PTPRG: variants seen among roughly 807,000 people sequenced by gnomAD.
PTPRG encodes receptor-type tyrosine-protein phosphatase gamma.
In PTPRG, 102 loss-of-function variants were observed where a neutral mutation model predicts 165.3. That is an observed-to-expected ratio of 0.62 (90% CI 0.53 to 0.73). PTPRG has a LOEUF of 0.73. Among genes scored for constraint, PTPRG ranks in the 30% least tolerant of loss-of-function variants. PTPRG has a pLI of 0.00. For synonymous variants in PTPRG, 675 were observed against 669.5 expected (o/e 1.01, Z -0.13); for missense variants, 1,866 against 1,861.4 (o/e 1.00, Z -0.05).
intron 2 of PTPRG, among the ~76,000 whole-genome samples, chr3:61,976,072 A>G (rs4572763): frequency 0.46 from 69,548 of 151,930 alleles, 16,664 homozygotes; most frequent in African/African-American, 0.62. Context: ...GAACCCTGCA[A>G]TGTGCTGGAA....
rs796741929 is a variant in PTPRG at position 61,769,285 on chromosome 3, T to C, written c.190+20303T>C. ...AATGTTTGTTTTTTTTGTTTTTGTT[T>C]CCATATAGGGTTTTACTCTGTCGCC... On this transcript the variant is annotated intron_variant, in intron 2 of 29. Transcript: ENST00000474889. 8 of 152,312 alleles carry C rather than the reference T, an allele frequency of 5.3e-5. 1 individual carries two copies. The highest frequency in any genetic ancestry group is 1.9e-4 in the African/African-American group (8 of 41,558). 9.4% of individuals were successfully genotyped at this position (152,312 alleles called of 1,614,324 possible).
At chr3:62,069,079 C>G (rs1273512560) in intron 4 of PTPRG, among the ~76,000 whole-genome samples, 1 of 152,210 alleles carries the variant, frequency 6.6e-6, no homozygotes, top group Non-Finnish European at 1.5e-5. Flanking sequence ...GGGATGTTGG[C>G]TAGCCTGTGG....
At chr3:62,137,507 A>G (rs767470280) in intron 6 of PTPRG, among the ~76,000 whole-genome samples, 2 of 152,058 alleles carry the variant, frequency 1.3e-5, no homozygotes, top group African/African-American at 2.4e-5. Context: ...ATGGAGAAGA[A>G]TTGGGCCCTT....
intron 7 of PTPRG, among the ~76,000 whole-genome samples, chr3:62,161,631 C>T (rs1179455685): frequency 1.3e-5 from 2 of 152,076 alleles, no homozygotes; most frequent in Non-Finnish European, 2.9e-5. Context: ...AGATGGCTTT[C>T]TTTGTTAATT....
At chr3:61,952,734 C>G (rs995975565) in intron 2 of PTPRG, among the ~76,000 whole-genome samples, 15 of 152,080 alleles carry the variant, frequency 9.9e-5, no homozygotes, top group African/African-American at 3.6e-4. Flanking sequence ...TCCATTTGCC[C>G]TAGCCTCAAA....
At chr3:62,036,419 G>C (rs1300710237) in intron 4 of PTPRG, among the ~76,000 whole-genome samples, 3 of 152,154 alleles carry the variant, frequency 2.0e-5, no homozygotes, top group South Asian at 4.1e-4. Flanking sequence ...TCCAAGTCCT[G>C]GCATTATTTG....
intron 1 of PTPRG, among the ~76,000 whole-genome samples, chr3:61,729,858 ATATT>A (rs1253393393): frequency 6.6e-6 from 1 of 152,176 alleles, no homozygotes; most frequent in Non-Finnish European, 1.5e-5. Context: ...TCTATAGTGA[ATATT>A]TATTGCTTTC....
chr3:62,268,966 GA>G, intron 19 of PTPRG, 68 bp from the exon 20 acceptor site: 1 of 1,402,712 alleles, frequency 7.1e-7, no homozygotes, highest in Middle Eastern at 1.9e-4. Context: ...ATTGTCGTTT[GA>G]AATTACATTA....
chr3:62,281,202 GT>G (rs1420386048), intron 26 of PTPRG, among the ~76,000 whole-genome samples: 2 of 152,018 alleles, frequency 1.3e-5, no homozygotes, highest in Non-Finnish European at 2.9e-5. Flanking sequence ...TAATTAGCAT[GT>G]CTTGATTGCT....
intron 1 of PTPRG, among the ~76,000 whole-genome samples, chr3:61,688,729 C>T (rs2029948707): frequency 1.3e-5 from 2 of 152,236 alleles, no homozygotes; most frequent in South Asian, 4.1e-4. Flanking sequence ...TCAGCTGCTG[C>T]TTTAAATTCT....
intron 1 of PTPRG, among the ~76,000 whole-genome samples, chr3:61,567,183 T>C (rs990653946): frequency 5.9e-5 from 9 of 152,184 alleles, no homozygotes; most frequent in African/African-American, 2.2e-4. Flanking sequence ...ATTAATATTA[T>C]AGAAGCCAAG....
intron 4 of PTPRG, among the ~76,000 whole-genome samples, chr3:62,045,852 G>T (rs1381408245): frequency 6.6e-6 from 1 of 152,246 alleles, no homozygotes; most frequent in African/African-American, 2.4e-5. Context: ...CATATTTGAA[G>T]TGAGACTAGT....
chr3:61,744,213 A>G (rs1430719974), intron 1 of PTPRG, among the ~76,000 whole-genome samples: 1 of 152,216 alleles, frequency 6.6e-6, no homozygotes, highest in South Asian at 2.1e-4. Context: ...AATAGTTTTA[A>G]AAGTTGGTTT....
At chr3:62,080,626 A>G (rs377495903) in intron 5 of PTPRG, among the ~76,000 whole-genome samples, 1 of 152,160 alleles carries the variant, frequency 6.6e-6, no homozygotes, top group South Asian at 2.1e-4. Flanking sequence ...ACCTTTCTTA[A>G]AAGAAAATTT....
chr3:61,832,029 A>G (rs2036311230), intron 2 of PTPRG, among the ~76,000 whole-genome samples: 1 of 152,346 alleles, frequency 6.6e-6, no homozygotes, highest in East Asian at 1.9e-4. Context: ...TTATACATGG[A>G]TTTATACATT....
At chr3:62,231,908 G>A (rs1435663581) in intron 14 of PTPRG, among the ~76,000 whole-genome samples, 3 of 151,850 alleles carry the variant, frequency 2.0e-5, no homozygotes, top group Non-Finnish European at 4.4e-5. Context: ...AAGAGTTATA[G>A]TAAATGTTTG....
At chr3:61,773,166 T>A (rs982019562) in intron 2 of PTPRG, among the ~76,000 whole-genome samples, 1 of 152,176 alleles carries the variant, frequency 6.6e-6, no homozygotes, top group Admixed American at 6.6e-5. Flanking sequence ...AGGGGTTGAA[T>A]GTATGCAATA....
At chr3:61,869,985 C>A (rs1051996217) in intron 2 of PTPRG, among the ~76,000 whole-genome samples, 1 of 152,006 alleles carries the variant, frequency 6.6e-6, no homozygotes, top group South Asian at 2.1e-4. Context: ...CACCATGACC[C>A]CATCACCCTA....
At chr3:61,934,527 G>C (rs1348525320) in intron 2 of PTPRG, among the ~76,000 whole-genome samples, 1 of 152,020 alleles carries the variant, frequency 6.6e-6, no homozygotes, top group Non-Finnish European at 1.5e-5. Context: ...TGACTATGTT[G>C]AGTTGATCCT....
Sources: allele counts gnomAD v4.1 joint callset (sites outside exome capture counted in the v4.1 genomes callset), GRCh38; gene constraint gnomAD v4.1.1; transcripts MANE v1.5; gene names NCBI Gene and HGNC (gene_info 2026-07-23, HGNC 2026-07-21).